The following MICAL3 variants were observed in gnomAD, a reference collection of about 807,000 sequenced individuals.
The protein encoded by MICAL3 is microtubule associated monooxygenase, calponin and LIM domain containing 3.
A neutral mutation model predicts 207.4 loss-of-function variants in MICAL3; 62 were observed. The ratio of observed to expected loss-of-function variants is 0.30; its 90% CI spans 0.24 to 0.37. The LOEUF (loss-of-function observed/expected upper bound fraction) is 0.37, where lower values mean the gene tolerates loss of function less well. Among genes scored for constraint, MICAL3 ranks in the 10% least tolerant of loss-of-function variants. The pLI, the probability that MICAL3 is intolerant of heterozygous loss-of-function variation, is 1.00. For missense variants in MICAL3, 2,368 were observed against 2,635.6 expected, an observed-to-expected ratio of 0.90 and a Z score of 2.22; for synonymous variants, 1,077 against 1,069.3, an observed-to-expected ratio of 1.01 and a Z score of -0.14.
chr22:17,809,364 G>A (rs766531946), intron 28 of MICAL3, among the ~76,000 whole-genome samples: 1 of 152,206 alleles, frequency 6.6e-6, no homozygotes, highest in Non-Finnish European at 1.5e-5. Flanking sequence ...GGCCAGGCAC[G>A]GTGGCTCATC....
At chr22:17,849,670 G>A (rs1925050929) in intron 19 of MICAL3, among the ~76,000 whole-genome samples, 2 of 139,292 alleles carry the variant, frequency 1.4e-5, no homozygotes, top group South Asian at 4.8e-4. Context: ...GTGTGTGTGT[G>A]TGTGTGTGTG....
intron 19 of MICAL3, among the ~76,000 whole-genome samples, chr22:17,843,639 C>T (rs1293935102): frequency 2.0e-5 from 3 of 152,212 alleles, no homozygotes; most frequent in African/African-American, 4.8e-5. Flanking sequence ...CCCACACACA[C>T]GGTCACCTTC....
At chr22:17,875,563 T>C (rs1928217857) in intron 16 of MICAL3, 3 of 1,518,576 alleles carry the variant, frequency 2.0e-6, no homozygotes, top group Admixed American at 2.1e-5. Flanking sequence ...GGCTATAAAA[T>C]ACAAGATGGA....
chr22:17,997,049 T>TG (rs1569161654), intron 1 of MICAL3, among the ~76,000 whole-genome samples: 1 of 115,020 alleles, frequency 8.7e-6, no homozygotes, highest in Admixed American at 9.6e-5. Flanking sequence ...CCCCATCTAG[T>TG]CTTTTTTTTT....
intron 1 of MICAL3, among the ~76,000 whole-genome samples, chr22:17,949,449 G>T (rs894277892): frequency 6.6e-6 from 1 of 152,194 alleles, no homozygotes; most frequent in Non-Finnish European, 1.5e-5. Flanking sequence ...CACACAGTGA[G>T]CGACAAAGCA....
In MICAL3 at chr22:17,860,680, C is replaced by T. The variant is rs943140502; in HGVS notation, c.2605+4219G>A. Reference sequence around the variant, plus strand: ...GGAGACATGTGAGGCGGGTGCCCGGCTCTCCGTGGTGTCCTGGCAGCAGCA... The same window carrying T: ...GGAGACATGTGAGGCGGGTGCCCGGTTCTCCGTGGTGTCCTGGCAGCAGCA... On this transcript the variant is annotated intron_variant, in intron 19 of 31. Coordinates refer to ENST00000441493, the MANE Select transcript of MICAL3 (RefSeq NM_015241.3). The T allele has an allele frequency of 2.0e-5, 20 of 985,462 alleles. No homozygotes were observed. In the African/African-American group the frequency reaches 3.5e-4, roughly 17 times the overall value. 61.0% of individuals were successfully genotyped at this position (985,462 alleles called of 1,614,324 possible).
chr22:17,936,017 G>A (rs1158160943), intron 1 of MICAL3, among the ~76,000 whole-genome samples: 1 of 152,204 alleles, frequency 6.6e-6, no homozygotes, highest in Non-Finnish European at 1.5e-5. Context: ...AGACAGTGTG[G>A]CAATTCCTCA....
intron 1 of MICAL3, among the ~76,000 whole-genome samples, chr22:17,976,251 A>T (rs539527138): frequency 2.6e-5 from 4 of 152,140 alleles, no homozygotes; most frequent in Non-Finnish European, 5.9e-5. Context: ...ACATAACCCA[A>T]ATTCATTTCT....
chr22:17,994,097 T>C (rs993533053), intron 1 of MICAL3, among the ~76,000 whole-genome samples: 1 of 152,212 alleles, frequency 6.6e-6, no homozygotes, highest in Non-Finnish European at 1.5e-5. Flanking sequence ...TCTCTAAGCA[T>C]CTCTGATGCT....
chr22:17,927,754 C>T (rs1932988262), intron 1 of MICAL3, among the ~76,000 whole-genome samples: 1 of 152,140 alleles, frequency 6.6e-6, no homozygotes, highest in Non-Finnish European at 1.5e-5. Context: ...AGGCAGATGA[C>T]AAATATGAAC....
chr22:17,970,795 G>A (rs1305588290), intron 1 of MICAL3, among the ~76,000 whole-genome samples: 2 of 140,494 alleles, frequency 1.4e-5, no homozygotes, highest in Non-Finnish European at 3.1e-5. Context: ...TATCTGTTAC[G>A]TCTTTCCTAT....
At chr22:17,906,060 C>G (rs1931692323) in intron 2 of MICAL3, among the ~76,000 whole-genome samples, 1 of 152,192 alleles carries the variant, frequency 6.6e-6, no homozygotes. Flanking sequence ...CGTGTTCAGA[C>G]AGGATACCAG....
At position 17,889,188 on chromosome 22, in the gene MICAL3, G is replaced by T; in HGVS notation, c.1737C>A (p.Asn579Lys). The T allele has an allele frequency of 6.2e-7, 1 of 1,613,318 alleles. No homozygotes were observed. The highest frequency in any genetic ancestry group is 8.5e-7 in the Non-Finnish European group (1 of 1,179,314). ...TCTCAGCAATGTCAAAGGCCAGTTG[G>T]TTATTCTTCTCCACATTTTGCTCAT... is the stretch of plus-strand genomic sequence containing the variant. ...SLDEQNVEKNNQLAFDIAEKE... is the reference protein window; with the variant it reads ...SLDEQNVEKNKQLAFDIAEKE... Residue 579 changes from asparagine (N) to lysine (K), a missense_variant, in exon 13 of 32, where the codon AAC becomes AAA. By Grantham distance (94) the Asn-to-Lys change is moderately conservative (BLOSUM62 0). Coordinates refer to ENST00000441493, the MANE Select transcript of MICAL3 (RefSeq NM_015241.3).
chr22:17,973,677 C>T (rs879725180), intron 1 of MICAL3, among the ~76,000 whole-genome samples: 7 of 152,136 alleles, frequency 4.6e-5, no homozygotes, highest in Non-Finnish European at 7.4e-5. Flanking sequence ...ACCTGAAATC[C>T]CTGCACTTTG....
chr22:17,791,366 C>A (rs529051973), intron 29 of MICAL3, 65 bp from the exon 30 acceptor site: 157 of 1,375,132 alleles, frequency 1.1e-4, no homozygotes, highest in Admixed American at 6.1e-4. Context: ...GCAGGAATCA[C>A]ACGGGGCAAA....
chr22:17,866,941 GA>G (rs1436785265), intron 17 of MICAL3, among the ~76,000 whole-genome samples: 8 of 152,164 alleles, frequency 5.3e-5, no homozygotes, highest in African/African-American at 7.2e-5. Context: ...CCCTACTATA[GA>G]AACTGTTGAA....
intron 16 of MICAL3, among the ~76,000 whole-genome samples, chr22:17,885,509 C>G (rs1170018966): frequency 6.6e-6 from 1 of 152,208 alleles, no homozygotes; most frequent in East Asian, 1.9e-4. Flanking sequence ...AATAGAATTA[C>G]AGGTGGCTTA....
At chr22:17,961,169 G>A (rs905285878) in intron 1 of MICAL3, among the ~76,000 whole-genome samples, 2 of 152,162 alleles carry the variant, frequency 1.3e-5, no homozygotes, top group Non-Finnish European at 2.9e-5. Context: ...CTAGGAGTCA[G>A]TGTAGGTTGT....
Position 17,821,547 on chromosome 22 carries a change from C to A in MICAL3, c.3449-38G>T, listed in dbSNP as rs749064765. The A allele has an allele frequency of 2.0e-5, 30 of 1,507,708 alleles. No individual in the cohort carries two copies. The South Asian group carries it at 3.7e-4, about 19-fold the overall frequency. 93.4% of individuals were successfully genotyped at this position (1,507,708 alleles called of 1,614,324 possible). ...AACACAGGGACTTACAAGAGGAAGCCCCCCCATGTGCCAGGAAGGCACCCC... is the reference window on the plus strand; with the variant it reads ...AACACAGGGACTTACAAGAGGAAGCACCCCCATGTGCCAGGAAGGCACCCC... On this transcript the variant is annotated intron_variant, in intron 24 of 31. Transcript: ENST00000441493.
Sources: gnomAD v4.1 joint callset for allele counts (sites outside exome capture counted in the v4.1 genomes callset) on GRCh38, gnomAD v4.1.1 for gene constraint, MANE v1.5 for transcripts, NCBI Gene and HGNC (gene_info 2026-07-23, HGNC 2026-07-21) for gene names.